THSD4: variants seen among roughly 807,000 people sequenced by gnomAD.
THSD4 encodes the protein thrombospondin type-1 domain-containing protein 4.
THSD4 carries 69 observed loss-of-function variants against 119.0 expected under a neutral mutation model. The ratio of observed to expected loss-of-function variants is 0.58; its 90% CI spans 0.48 to 0.71. The LOEUF (loss-of-function observed/expected upper bound fraction) is 0.71. THSD4 is among the 30% of genes least tolerant of loss of function. The pLI, the probability that THSD4 is intolerant of heterozygous loss-of-function variation, is 0.00. For missense variants in THSD4, 1,393 were observed against 1,391.1 expected (o/e 1.00, Z -0.02); for synonymous variants, 524 against 540.4 (o/e 0.97, Z 0.42).
chr15:71,565,089 A>C (rs951175253), intron 7 of THSD4, among the ~76,000 whole-genome samples: 5 of 152,194 alleles, frequency 3.3e-5, no homozygotes, highest in African/African-American at 1.2e-4. Flanking sequence ...GAATCTTGGA[A>C]TCTTGAATAC....
At chr15:71,241,143 G>T (rs1013207151) in intron 4 of THSD4, among the ~76,000 whole-genome samples, 2 of 152,088 alleles carry the variant, frequency 1.3e-5, no homozygotes, top group African/African-American at 4.8e-5. Context: ...ATTTTAATGG[G>T]GCCATCCTGT....
intron 7 of THSD4, among the ~76,000 whole-genome samples, chr15:71,548,472 T>G (rs376780800): frequency 3.9e-5 from 6 of 152,058 alleles, no homozygotes. Flanking sequence ...GAAGTGGGAG[T>G]GCTCCCAAGC....
rs137888698 is a variant in THSD4, at chr15:71,638,891, A to G, written c.1153-21639A>G. Among the ~76,000 whole-genome samples, 811 of 152,308 alleles carry G rather than the reference A, an allele frequency of 5.3e-3. 6 individuals are homozygous for G. The highest frequency in any genetic ancestry group is 9.7e-3 in the Non-Finnish European group (658 of 68,020). ...ACTTGTTCATAAAGAGTCAGCAAGG[A>G]CCCTGCTCATTATGGTCCCTCAGGG... On this transcript the variant is annotated intron_variant, in intron 7 of 17. Coordinates refer to ENST00000261862, the MANE Select transcript of THSD4 (RefSeq NM_024817.3).
intron 7 of THSD4, among the ~76,000 whole-genome samples, chr15:71,467,849 T>TTG (rs1325547823): frequency 1.3e-5 from 2 of 150,768 alleles, no homozygotes; most frequent in African/African-American, 4.9e-5. Context: ...ATGATGGTTT[T>TTG]TTTTTTTTTC....
chr15:71,485,898 A>G (rs528945758), intron 7 of THSD4, among the ~76,000 whole-genome samples: 1 of 152,358 alleles, frequency 6.6e-6, no homozygotes, highest in South Asian at 2.1e-4. Context: ...GGAAATAATT[A>G]GAACGTCAAA....
intron 15 of THSD4, among the ~76,000 whole-genome samples, chr15:71,759,429 C>T (rs546114122): frequency 6.6e-6 from 1 of 152,272 alleles, no homozygotes; most frequent in African/African-American, 2.4e-5. Context: ...TCATATCAAC[C>T]TCTTAAGGTT....
At chr15:71,757,581 C>A (rs1245598108) in intron 14 of THSD4, among the ~76,000 whole-genome samples, 1 of 152,276 alleles carries the variant, frequency 6.6e-6, no homozygotes, top group African/African-American at 2.4e-5. Flanking sequence ...CAGGCGTGAG[C>A]CACAATACCC....
chr15:71,629,014 T>C (rs948540948), intron 7 of THSD4, among the ~76,000 whole-genome samples: 2 of 152,176 alleles, frequency 1.3e-5, no homozygotes, highest in African/African-American at 2.4e-5. Context: ...AATCTAGTGG[T>C]GTGTGTCTAA....
rs1566984897 is a variant in THSD4, at chr15:71,442,630, GTA to G, written c.1152+30809_1152+30810del. ...TGTGTGTGTGTGTGTATATATATAT[GTA>G]TGTGTGTGTATATGTGTGTGTGTGT... On this transcript the variant is annotated intron_variant, in intron 7 of 17. Transcript: ENST00000261862. Among the ~76,000 whole-genome samples the G allele has an allele frequency of 1.3e-4, 4 of 30,140 alleles. 1 individual carries two copies. Among genetic ancestry groups the G allele is most frequent in the African/African-American group, 3.1e-4 (3 of 9,684 alleles). 19.8% of individuals were successfully genotyped at this position (30,140 alleles called of 152,430 possible).
At chr15:71,273,622 G>A (rs773104424) in intron 6 of THSD4, among the ~76,000 whole-genome samples, 12 of 152,066 alleles carry the variant, frequency 7.9e-5, no homozygotes, top group Non-Finnish European at 1.5e-4. Flanking sequence ...ATGTATACAC[G>A]TATTGAAACC....
chr15:71,507,205 C>G (rs1028687728), intron 7 of THSD4, among the ~76,000 whole-genome samples: 9 of 152,270 alleles, frequency 5.9e-5, no homozygotes, highest in African/African-American at 1.9e-4. Context: ...TGGCTCAGAG[C>G]TCTGCCTCAC....
chr15:71,246,255 A>G (rs1174049284), intron 5 of THSD4, among the ~76,000 whole-genome samples: 1 of 152,134 alleles, frequency 6.6e-6, no homozygotes, highest in African/African-American at 2.4e-5. Context: ...CATGGTGCTG[A>G]CACATTGTTG....
intron 7 of THSD4, among the ~76,000 whole-genome samples, chr15:71,455,979 C>G (rs1030782323): frequency 6.6e-6 from 1 of 152,196 alleles, no homozygotes; most frequent in African/African-American, 2.4e-5. Context: ...GGGTCAAGCT[C>G]AGCCTTGTTT....
chr15:71,334,757 T>C (rs182724047), intron 6 of THSD4, among the ~76,000 whole-genome samples: 10 of 152,342 alleles, frequency 6.6e-5, no homozygotes, highest in African/African-American at 1.9e-4. Context: ...TAGCCTGATA[T>C]GTTTGTTGCA....
At chr15:71,761,165 G>A (rs1272853140) in intron 15 of THSD4, among the ~76,000 whole-genome samples, 3 of 151,780 alleles carry the variant, frequency 2.0e-5, no homozygotes, top group Non-Finnish European at 4.4e-5. Flanking sequence ...CAACATGCTT[G>A]TTATTAGTCA....
intron 11 of THSD4, among the ~76,000 whole-genome samples, chr15:71,743,962 T>C (rs953209275): frequency 6.6e-6 from 1 of 152,204 alleles, no homozygotes; most frequent in Non-Finnish European, 1.5e-5. Context: ...TAAAGTATAG[T>C]GTTCTTCCCG....
intron 6 of THSD4, among the ~76,000 whole-genome samples, chr15:71,371,985 C>G (rs1342476019): frequency 6.6e-6 from 1 of 152,136 alleles, no homozygotes; most frequent in Non-Finnish European, 1.5e-5. Flanking sequence ...TTTCTTTTTA[C>G]TCTTTTTTCT....
chr15:71,165,266 G>T lies in THSD4; in HGVS notation c.99+10334G>T, dbSNP rs888510513. 1.0e-5 allele frequency: 16 copies of T among 1,570,196 alleles called. No homozygotes were observed. The African/African-American group carries it at 1.4e-4, about 13-fold the overall frequency. On this transcript the variant is annotated intron_variant, in intron 3 of 17. Coordinates refer to ENST00000261862, the MANE Select transcript of THSD4 (RefSeq NM_024817.3). Reference sequence around the variant, plus strand: ...TTTTCCTTTGTCTTTAGCAGAAATGGTCTTCCACCTCTCTGAGCACTTCTT... The same window carrying T: ...TTTTCCTTTGTCTTTAGCAGAAATGTTCTTCCACCTCTCTGAGCACTTCTT...
At chr15:71,542,835 C>T (rs1433735401) in intron 7 of THSD4, among the ~76,000 whole-genome samples, 1 of 151,624 alleles carries the variant, frequency 6.6e-6, no homozygotes, top group Non-Finnish European at 1.5e-5. Flanking sequence ...CGAGATTGTG[C>T]CACTGCACTC....
Sources: gnomAD v4.1 joint callset for allele counts (sites outside exome capture counted in the v4.1 genomes callset) on GRCh38, gnomAD v4.1.1 for gene constraint, MANE v1.5 for transcripts, NCBI Gene and HGNC (gene_info 2026-07-23, HGNC 2026-07-21) for gene names.